Variants in TAFA2 observed in about 807,000 individuals in gnomAD.
The protein encoded by TAFA2 is chemokine-like protein TAFA-2.
Under a neutral mutation model 18.8 loss-of-function variants are expected in TAFA2, and 7 were observed. The ratio of observed to expected loss-of-function variants is 0.37; its 90% confidence interval spans 0.21 to 0.70. The LOEUF (loss-of-function observed/expected upper bound fraction) is 0.70. Ranked by LOEUF, TAFA2 falls within the 30% of genes least tolerant of loss-of-function variation. The pLI is 0.53. For synonymous variants in TAFA2, 60 were observed against 54.2 expected (o/e 1.11, Z -0.47); for missense variants, 122 against 158.1 (o/e 0.77, Z 1.23).
chr12:61,775,868 A>G (rs557393405), intron 2 of TAFA2: 67 of 159,436 alleles, frequency 4.2e-4, no homozygotes, highest in Non-Finnish European at 8.0e-4. Context: ...AACTACTCTT[A>G]GAAAAATGAA....
intron 2 of TAFA2, among the ~76,000 whole-genome samples, chr12:61,778,712 G>A (rs540992233): frequency 4.6e-5 from 7 of 151,922 alleles, no homozygotes; most frequent in South Asian, 2.1e-4. Flanking sequence ...TTTGAGCTCC[G>A]GCTCTCTCAC....
intron 1 of TAFA2, chr12:61,879,909 T>C: frequency 1.1e-6 from 1 of 909,848 alleles, no homozygotes; most frequent in Non-Finnish European, 1.8e-6. Context: ...TTTGTCCTCA[T>C]CGAGAAGGAT....
intron 1 of TAFA2, among the ~76,000 whole-genome samples, chr12:61,886,286 G>T (rs1875372888): frequency 6.6e-6 from 1 of 152,100 alleles, no homozygotes; most frequent in Admixed American, 6.6e-5. Context: ...CCCAGTTCTG[G>T]AAATTGAGCT....
intron 4 of TAFA2, among the ~76,000 whole-genome samples, chr12:61,738,583 A>T (rs1868348268): frequency 6.6e-6 from 1 of 152,060 alleles, no homozygotes; most frequent in Non-Finnish European, 1.5e-5. Flanking sequence ...ATAAGAAAAA[A>T]CATTTCTGCT....
chr12:61,884,533 G>A (rs986211092), intron 1 of TAFA2, among the ~76,000 whole-genome samples: 1 of 152,040 alleles, frequency 6.6e-6, no homozygotes, highest in African/African-American at 2.4e-5. Context: ...CTCAATATTA[G>A]GTGCATTGCA....
intron 1 of TAFA2, among the ~76,000 whole-genome samples, chr12:62,238,399 C>T (rs1448173146): frequency 6.6e-6 from 1 of 152,170 alleles, no homozygotes; most frequent in Non-Finnish European, 1.5e-5. Flanking sequence ...TTGGTTACAT[C>T]ACTCAACAAT....
chr12:62,104,540 A>G (rs1403993985), intron 1 of TAFA2, among the ~76,000 whole-genome samples: 2 of 152,242 alleles, frequency 1.3e-5, no homozygotes, highest in African/African-American at 4.8e-5. Flanking sequence ...CATTTTTACC[A>G]TTGAATAAGC....
intron 1 of TAFA2, among the ~76,000 whole-genome samples, chr12:61,941,724 C>A (rs568503538): frequency 1.2e-4 from 18 of 152,180 alleles, no homozygotes; most frequent in Admixed American, 6.5e-4. Flanking sequence ...CACTCCCACC[C>A]GAATATTGCG....
chr12:62,074,827 G>A (rs1206317263), intron 1 of TAFA2, among the ~76,000 whole-genome samples: 2 of 150,404 alleles, frequency 1.3e-5, no homozygotes, highest in Admixed American at 6.7e-5. Flanking sequence ...TCAGCCTCCC[G>A]AGTAGCTGGG....
chr12:61,998,127 A>G (rs1223651860), intron 1 of TAFA2, among the ~76,000 whole-genome samples: 1 of 152,184 alleles, frequency 6.6e-6, no homozygotes, highest in East Asian at 1.9e-4. Context: ...ATATAAGGAA[A>G]GAATTTAAGG....
At chr12:62,041,858 T>C (rs1327425871) in intron 1 of TAFA2, among the ~76,000 whole-genome samples, 1 of 152,164 alleles carries the variant, frequency 6.6e-6, no homozygotes, top group Non-Finnish European at 1.5e-5. Context: ...AAGATTATCC[T>C]ACTTCATTTT....
At chr12:61,897,909 T>C (rs1875923962) in intron 1 of TAFA2, among the ~76,000 whole-genome samples, 1 of 152,220 alleles carries the variant, frequency 6.6e-6, no homozygotes, top group Non-Finnish European at 1.5e-5. Flanking sequence ...CCCTTCCTCG[T>C]AGAAGCCTGT....
At chr12:62,015,472 C>T (rs1425138571) in intron 1 of TAFA2, among the ~76,000 whole-genome samples, 1 of 152,142 alleles carries the variant, frequency 6.6e-6, no homozygotes, top group Non-Finnish European at 1.5e-5. Flanking sequence ...AGTAGGAAAT[C>T]TCAGTAAATG....
chr12:61,939,247 G>T (rs971211931), intron 1 of TAFA2, among the ~76,000 whole-genome samples: 2 of 152,074 alleles, frequency 1.3e-5, no homozygotes, highest in Non-Finnish European at 2.9e-5. Context: ...ATTTGTGTGT[G>T]GCTAGATGTT....
At chr12:61,895,956 G>T (rs1280364328) in intron 1 of TAFA2, among the ~76,000 whole-genome samples, 1 of 151,946 alleles carries the variant, frequency 6.6e-6, no homozygotes, top group Non-Finnish European at 1.5e-5. Context: ...CCCAAAAACA[G>T]ATTGCCCTGT....
At chr12:62,186,155 T>C (rs2062584424) in intron 1 of TAFA2, among the ~76,000 whole-genome samples, 2 of 152,144 alleles carry the variant, frequency 1.3e-5, no homozygotes, top group Non-Finnish European at 2.9e-5. Context: ...TGTTTTTCTT[T>C]ATTATTAAAC....
At chr12:62,080,955 G>A (rs1468154086) in intron 1 of TAFA2, among the ~76,000 whole-genome samples, 1 of 152,152 alleles carries the variant, frequency 6.6e-6, no homozygotes, top group Non-Finnish European at 1.5e-5. Flanking sequence ...AGCACTTTGG[G>A]AGGCCAAGGC....
chr12:62,080,167 A>G (rs556701008), intron 1 of TAFA2, among the ~76,000 whole-genome samples: 3 of 152,308 alleles, frequency 2.0e-5, no homozygotes, highest in East Asian at 3.9e-4. Flanking sequence ...AATTCTTGCC[A>G]TAGGGCCCCC....
intron 1 of TAFA2, among the ~76,000 whole-genome samples, chr12:62,256,949 G>A (rs1301125177): frequency 6.6e-6 from 1 of 152,100 alleles, no homozygotes; most frequent in Non-Finnish European, 1.5e-5. Context: ...AAGGTTTAGA[G>A]AGGTGAGTAA....
Sources: gnomAD v4.1 joint callset for allele counts (sites outside exome capture counted in the v4.1 genomes callset) on GRCh38, gnomAD v4.1.1 for gene constraint, MANE v1.5 for transcripts, NCBI Gene and HGNC (gene_info 2026-07-23, HGNC 2026-07-21) for gene names.